DMD: variants seen among roughly 807,000 people sequenced by gnomAD.
DMD encodes dystrophin, also known as mutant dystrophin.
DMD carries 63 observed loss-of-function variants against 330.1 expected under a neutral mutation model. The observed-to-expected ratio is 0.19, with a 90% CI of 0.16 to 0.24. The LOEUF is 0.24. Among genes scored for constraint, DMD ranks in the 10% least tolerant of loss-of-function variants. The probability of loss-of-function intolerance (pLI) is 1.00; values close to 1 mark genes in which losing one functional copy is unlikely to be tolerated. For missense variants in DMD, 3,344 were observed against 2,684.1 expected, an observed-to-expected ratio of 1.25 and a Z score of -5.43; for synonymous variants, 1,223 against 959.8, an observed-to-expected ratio of 1.27 and a Z score of -5.07.
intron 55 of DMD, among the ~76,000 whole-genome samples, chrX:31,575,690 C>T (rs1336847172): frequency 8.9e-6 from 1 of 112,089 alleles, no homozygotes; most frequent in South Asian, 3.6e-4. Flanking sequence ...GGACACAACG[C>T]CTTTTATATT....
chrX:32,738,859 G>A (rs1242092335), intron 7 of DMD, among the ~76,000 whole-genome samples: 1 of 111,658 alleles, frequency 9.0e-6, no homozygotes, highest in Admixed American at 9.6e-5. Flanking sequence ...GGAGAGGTGT[G>A]AAATTCACTC....
intron 2 of DMD, among the ~76,000 whole-genome samples, chrX:32,936,151 GC>G (rs1410533719): frequency 9.5e-6 from 1 of 104,963 alleles, no homozygotes; most frequent in Non-Finnish European, 1.9e-5. Flanking sequence ...TGCTCTTGTT[GC>G]CCAGGCTGGA....
intron 44 of DMD, among the ~76,000 whole-genome samples, chrX:32,085,620 A>ATATATATACGTG (rs1569541166): frequency 2.1e-5 from 2 of 94,589 alleles, no homozygotes; most frequent in African/African-American, 8.1e-5. Flanking sequence ...ATATATACGT[A>ATATATATACGTG]TATATATACA....
intron 11 of DMD, among the ~76,000 whole-genome samples, chrX:32,625,399 G>A (rs1347707512): frequency 9.0e-6 from 1 of 110,935 alleles, no homozygotes; most frequent in Non-Finnish European, 1.9e-5. Context: ...CCTACACATA[G>A]CTAGCGGCTG....
chrX:31,894,878 T>C (rs2094309649), intron 47 of DMD, among the ~76,000 whole-genome samples: 1 of 111,300 alleles, frequency 9.0e-6, no homozygotes, highest in East Asian at 2.8e-4. Context: ...AGATTGCAAT[T>C]CATCTATATA....
intron 47 of DMD, among the ~76,000 whole-genome samples, chrX:31,903,944 T>C (rs965291371): frequency 1.8e-5 from 2 of 111,908 alleles, no homozygotes; most frequent in Admixed American, 1.9e-4. Flanking sequence ...AGGAATTTTA[T>C]AGACATTCAT....
Position 31,550,576 on chromosome X carries a change from C to A in DMD, c.8218-43123G>T, listed in dbSNP as rs1223793001. Among the ~76,000 whole-genome samples, 4 of 112,074 alleles carry A rather than the reference C, an allele frequency of 3.6e-5. No homozygotes were observed. The Admixed American group carries it at 3.8e-4, about 11-fold the overall frequency. On this transcript the variant is annotated intron_variant, in intron 55 of 78. Transcript: ENST00000357033. ...GGTCAGGTATTTTGCCCAATTTTAGCTATTTTATTTGTATTTTAACTATTT... is the reference window on the plus strand; with the variant it reads ...GGTCAGGTATTTTGCCCAATTTTAGATATTTTATTTGTATTTTAACTATTT...
intron 66 of DMD, among the ~76,000 whole-genome samples, chrX:31,204,913 C>T (rs187311789): frequency 3.2e-4 from 36 of 111,902 alleles, no homozygotes; most frequent in African/African-American, 1.0e-3. Flanking sequence ...TGAGCTACTG[C>T]GCCTGGCTGC....
At chrX:32,522,304 C>A (rs958425551) in intron 17 of DMD, among the ~76,000 whole-genome samples, 1 of 111,635 alleles carries the variant, frequency 9.0e-6, no homozygotes, top group Non-Finnish European at 1.9e-5. Context: ...GGCCTCTGGG[C>A]AGTATTTATG....
At chrX:33,020,049 A>G (rs2093883481) in intron 2 of DMD, 90 bp downstream of exon 2, 7 of 690,324 alleles carry the variant, frequency 1.0e-5, no homozygotes, top group African/African-American at 4.4e-5. Flanking sequence ...TGAGAGAAAT[A>G]AAACGGATTT....
rs551199534 is a variant in DMD, at chrX:31,631,629, T to C, written c.8028-3767A>G. Among the ~76,000 whole-genome samples, 90 of 111,444 alleles carry C rather than the reference T, an allele frequency of 8.1e-4. No homozygotes were observed. In the Middle Eastern group the frequency reaches 0.023, roughly 28 times the overall value. Reference sequence around the variant, plus strand: ...TCTGCCCAATCCTGCTCCCTTTCCTTTCCTCCGCTCACAGGTGTTAATCCT... The same window carrying C: ...TCTGCCCAATCCTGCTCCCTTTCCTCTCCTCCGCTCACAGGTGTTAATCCT... On this transcript the variant is annotated intron_variant, in intron 54 of 78. Transcript: ENST00000357033.
chrX:31,443,474 G>A (rs755318040), intron 60 of DMD, among the ~76,000 whole-genome samples: 2 of 111,148 alleles, frequency 1.8e-5, no homozygotes, highest in East Asian at 2.8e-4. Flanking sequence ...GTTCGCTCCC[G>A]AGCACTTTCC....
rs1420885213 is a variant in DMD at position 31,875,286 on chromosome X, C to T, written c.7000G>A (p.Glu2334Lys). 1 of 1,182,157 alleles carries T rather than the reference C, an allele frequency of 8.5e-7. No individual in the cohort carries two copies. Among genetic ancestry groups the T allele is most frequent in the Admixed American group, 2.2e-5 (1 of 45,021 alleles). The change falls in exon 48 of 79, where the codon GAA (glutamate) becomes AAA (lysine). Residue 2334 changes from glutamate (E) to lysine (K), a missense_variant. By Grantham distance (56) the Glu-to-Lys change is moderately conservative. Coordinates refer to ENST00000357033, the MANE Select transcript of DMD (RefSeq NM_004006.3). ...AGCAGCAGATGATTTAACTGCTCTT[C>T]AAGGTCTTCAAGCTTTTTTTCAAGC... The part of the protein sequence containing the change: ...GQLEKKLEDL[E>K]EQLNHLLLWL...
At chrX:33,088,702 T>G (rs977359321) in intron 1 of DMD, among the ~76,000 whole-genome samples, 1 of 111,400 alleles carries the variant, frequency 9.0e-6, no homozygotes, top group African/African-American at 3.3e-5. Context: ...AGAATAAATA[T>G]TAATTACCAG....
At chrX:32,026,987 T>A (rs1295882895) in intron 44 of DMD, among the ~76,000 whole-genome samples, 2 of 111,107 alleles carry the variant, frequency 1.8e-5, no homozygotes, top group Non-Finnish European at 3.8e-5. Flanking sequence ...GTCACATGGC[T>A]CTAACTAGAT....
chrX:32,847,099 G>A (rs190494166), intron 3 of DMD, among the ~76,000 whole-genome samples: 195 of 111,958 alleles, frequency 1.7e-3, no homozygotes, highest in African/African-American at 6.0e-3. Flanking sequence ...GGTAATTATA[G>A]GACTTTAAAG....
intron 55 of DMD, among the ~76,000 whole-genome samples, chrX:31,606,277 G>A (rs890548911): frequency 9.0e-6 from 1 of 111,585 alleles, no homozygotes; most frequent in Non-Finnish European, 1.9e-5. Context: ...ACCCAGTCTC[G>A]GGCAGTTCTT....
intron 7 of DMD, among the ~76,000 whole-genome samples, chrX:32,713,448 G>A (rs910936759): frequency 1.3e-4 from 14 of 111,284 alleles, no homozygotes; most frequent in East Asian, 8.5e-4. Flanking sequence ...CTGCTCCAGA[G>A]CTGCATAATG....
At chrX:32,536,638 T>C (rs748613057) in intron 17 of DMD, among the ~76,000 whole-genome samples, 1 of 112,422 alleles carries the variant, frequency 8.9e-6, no homozygotes, top group African/African-American at 3.2e-5. Flanking sequence ...TTGCTTTTAA[T>C]TGCCGAACTT....
Sources: gnomAD v4.1 joint callset for allele counts (sites outside exome capture counted in the v4.1 genomes callset) on GRCh38, gnomAD v4.1.1 for gene constraint, MANE v1.5 for transcripts, NCBI Gene and HGNC (gene_info 2026-07-23, HGNC 2026-07-21) for gene names.